CEP63: variants seen among roughly 807,000 people sequenced by gnomAD.
CEP63 encodes the protein centrosomal protein of 63 kDa.
Under a neutral mutation model 89.1 loss-of-function variants are expected in CEP63, and 84 were observed. The observed-to-expected ratio is 0.94, with a 90% CI of 0.79 to 1.13. CEP63 has a LOEUF of 1.13. CEP63 is among the 50% of genes most tolerant of loss of function. The pLI is 0.00. For missense variants in CEP63, 838 were observed against 813.3 expected (o/e 1.03, Z -0.37); for synonymous variants, 267 against 272.5 (o/e 0.98, Z 0.20).
At chr3:134,671,991 A>T in the CEP63 span, among the ~76,000 whole-genome samples, 5 of 152,142 alleles carry the variant, frequency 3.3e-5, no homozygotes, top group African/African-American at 7.2e-5. Flanking sequence ...GTCCTCCAGA[A>T]ACCTGCAGTG....
the CEP63 span, among the ~76,000 whole-genome samples, chr3:134,650,103 T>C: frequency 2.6e-5 from 4 of 152,196 alleles, no homozygotes; most frequent in Non-Finnish European, 4.4e-5. Flanking sequence ...TGTTCTGTCG[T>C]CTGGAGAACA....
chr3:134,541,618 G>A (rs1047300043), intron 6 of CEP63, among the ~76,000 whole-genome samples: 9 of 147,428 alleles, frequency 6.1e-5, no homozygotes, highest in Admixed American at 3.5e-4. Context: ...CAGATCAAAC[G>A]ATCCTCCTCC....
the CEP63 span, among the ~76,000 whole-genome samples, chr3:134,602,666 G>T: frequency 1.3e-5 from 2 of 152,148 alleles, no homozygotes; most frequent in African/African-American, 4.8e-5. Flanking sequence ...AGCCTCTGGA[G>T]GCTCTCTGTG....
At chr3:134,715,580 C>G in the CEP63 span, among the ~76,000 whole-genome samples, 1 of 149,260 alleles carries the variant, frequency 6.7e-6, no homozygotes, top group Non-Finnish European at 1.5e-5. Context: ...CAGATAGGCC[C>G]GGGGTCTCAC....
the CEP63 span, among the ~76,000 whole-genome samples, chr3:134,706,974 G>A: frequency 6.6e-6 from 1 of 152,154 alleles, no homozygotes; most frequent in Non-Finnish European, 1.5e-5. Context: ...CTAAATCTAA[G>A]ATGATCTCAT....
the CEP63 span, among the ~76,000 whole-genome samples, chr3:134,747,969 A>G: frequency 6.6e-6 from 1 of 152,102 alleles, no homozygotes; most frequent in African/African-American, 2.4e-5. Flanking sequence ...TATTTTTAGT[A>G]GAGACAGGGT....
chr3:134,508,059 A>G (rs923866452), intron 3 of CEP63, among the ~76,000 whole-genome samples: 7 of 152,248 alleles, frequency 4.6e-5, no homozygotes, highest in Non-Finnish European at 7.3e-5. Flanking sequence ...GTCACCATTC[A>G]TTAAGGCTGT....
At chr3:134,650,628 C>T in the CEP63 span, among the ~76,000 whole-genome samples, 1 of 152,092 alleles carries the variant, frequency 6.6e-6, no homozygotes, top group Non-Finnish European at 1.5e-5. Flanking sequence ...AATCACGGGG[C>T]TGCGCGTTGC....
At chr3:134,731,194 C>T in the CEP63 span, among the ~76,000 whole-genome samples, 1 of 152,128 alleles carries the variant, frequency 6.6e-6, no homozygotes, top group Admixed American at 6.5e-5. Flanking sequence ...ACATCCCTCT[C>T]TCAGTAGTTA....
chr3:134,612,838 G>A, the CEP63 span: 4 of 150,574 alleles, frequency 2.7e-5, no homozygotes, highest in East Asian at 5.9e-4. Flanking sequence ...AGTGAGAGGG[G>A]GAGAGATGGC....
chr3:134,648,314 C>T, the CEP63 span, among the ~76,000 whole-genome samples: 1 of 152,200 alleles, frequency 6.6e-6, no homozygotes, highest in Non-Finnish European at 1.5e-5. Context: ...CACTCAGGGG[C>T]CGCCACTCTC....
chr3:134,686,232 G>A, the CEP63 span, among the ~76,000 whole-genome samples: 2 of 152,150 alleles, frequency 1.3e-5, no homozygotes, highest in African/African-American at 4.8e-5. Flanking sequence ...ACTGACAGCC[G>A]GCCCTGCACA....
At chr3:134,508,114 A>G (rs1943922158) in intron 3 of CEP63, among the ~76,000 whole-genome samples, 1 of 152,194 alleles carries the variant, frequency 6.6e-6, no homozygotes, top group Non-Finnish European at 1.5e-5. Flanking sequence ...ACACACTGAG[A>G]TTGTGATTTT....
At chr3:134,627,817 A>G in the CEP63 span, 1 of 1,612,164 alleles carries the variant, frequency 6.2e-7, no homozygotes, top group East Asian at 2.2e-5. Flanking sequence ...CACCTTGTAA[A>G]CCTACAATAT....
At chr3:134,586,061 C>T (rs1013796257) in intron 10 of CEP63, among the ~76,000 whole-genome samples, 2 of 152,046 alleles carry the variant, frequency 1.3e-5, no homozygotes, top group African/African-American at 4.8e-5. Flanking sequence ...AGATCTTCCT[C>T]CATCCCTTTA....
At chr3:134,599,292 T>G in the CEP63 span, among the ~76,000 whole-genome samples, 1 of 152,168 alleles carries the variant, frequency 6.6e-6, no homozygotes, top group Non-Finnish European at 1.5e-5. Flanking sequence ...TGCTGCCGGG[T>G]CTCCTTCCTA....
At chr3:134,653,264 A>G in the CEP63 span, among the ~76,000 whole-genome samples, 1 of 152,224 alleles carries the variant, frequency 6.6e-6, no homozygotes, top group East Asian at 1.9e-4. Flanking sequence ...TGCCAATCAC[A>G]TTCACTTCCC....
At chr3:134,738,404 G>C in the CEP63 span, among the ~76,000 whole-genome samples, 4 of 152,066 alleles carry the variant, frequency 2.6e-5, no homozygotes, top group African/African-American at 4.8e-5. Flanking sequence ...TTTGAATAAT[G>C]ACTTCTTACC....
At chr3:134,665,784 T>G in the CEP63 span, among the ~76,000 whole-genome samples, 2 of 132,744 alleles carry the variant, frequency 1.5e-5, no homozygotes, top group Non-Finnish European at 3.2e-5. Flanking sequence ...CACAGAGACA[T>G]AGGGACAGAC....
Sources: gnomAD v4.1 joint callset for allele counts (sites outside exome capture counted in the v4.1 genomes callset) on GRCh38, gnomAD v4.1.1 for gene constraint, MANE v1.5 for transcripts, NCBI Gene and HGNC (gene_info 2026-07-23, HGNC 2026-07-21) for gene names.